EPS8: variants seen among roughly 807,000 people sequenced by gnomAD.
EPS8 encodes epidermal growth factor receptor kinase substrate 8.
EPS8 carries 42 observed loss-of-function variants against 103.8 expected under a neutral mutation model. That is an observed-to-expected ratio of 0.40 (90% CI 0.32 to 0.52). The LOEUF is 0.52. Among genes scored for constraint, EPS8 ranks in the 20% least tolerant of loss-of-function variants. The probability of loss-of-function intolerance (pLI) is 0.40; values close to 1 mark genes in which losing one functional copy is unlikely to be tolerated. For synonymous variants in EPS8, 344 were observed against 344.6 expected (o/e 1.00, Z 0.02); for missense variants, 969 against 1,005.1 (o/e 0.96, Z 0.49).
At chr12:15,739,574 T>C (rs989733863) in intron 1 of EPS8, among the ~76,000 whole-genome samples, 1 of 152,154 alleles carries the variant, frequency 6.6e-6, no homozygotes, top group African/African-American at 2.4e-5. Context: ...CTCCCGACCT[T>C]GGATGTTAGA....
In EPS8 at chr12:15,669,938, G is replaced by T. The variant is rs1053229597; in HGVS notation, c.205-113C>A. The T allele has an allele frequency of 3.1e-5, 22 of 712,274 alleles. No homozygotes were observed. In the African/African-American group the frequency reaches 3.3e-4, roughly 11 times the overall value. 44.1% of individuals were successfully genotyped at this position (712,274 alleles called of 1,614,324 possible). A position where few individuals can be genotyped will look rare whatever the true frequency, so the allele number is the denominator to read the frequency against. On this transcript the variant is annotated intron_variant, in intron 4 of 20. Coordinates refer to ENST00000281172, the MANE Select transcript of EPS8 (RefSeq NM_004447.6). The stretch of plus-strand genomic sequence containing the variant: ...AACCTGAGGTCAGCTAGCAGAGAAC[G>T]ACAAACACAAAGTACTCTTAAAACT...
intron 6 of EPS8, among the ~76,000 whole-genome samples, chr12:15,668,251 G>A (rs1216354793): frequency 6.6e-6 from 1 of 152,104 alleles, no homozygotes. Flanking sequence ...AGTCATCCAT[G>A]ACGTAAATTG....
Position 15,778,057 on chromosome 12 carries a change from A to C in EPS8, c.-22+11104T>G, listed in dbSNP as rs1019701372. Among the ~76,000 whole-genome samples, 1 of 152,236 alleles carries C rather than the reference A, an allele frequency of 6.6e-6. No individual in the cohort carries two copies. The highest frequency in any genetic ancestry group is 1.5e-5 in the Non-Finnish European group (1 of 68,046). On this transcript the variant is annotated intron_variant, in intron 1 of 20. Transcript: ENST00000281172. The surrounding 1 kb of genome is among the most constrained non-coding windows in gnomAD (Gnocchi z 4.5). Reference sequence around the variant, plus strand: ...ATTCTGCAAACATAGCAAACATACAAATATACAAAAAATATAGACCTTATT... The same window carrying C: ...ATTCTGCAAACATAGCAAACATACACATATACAAAAAATATAGACCTTATT...
In EPS8 at chr12:15,787,678, A is replaced by G. The variant is rs1947324463; in HGVS notation, c.-22+1483T>C. The stretch of plus-strand genomic sequence containing the variant: ...TTCTTTTTTTTCTGCTATAAAGTGA[A>G]TGACTTGTGGTGCAATCTTACAAAG... On this transcript the variant is annotated intron_variant, in intron 1 of 20. Transcript: ENST00000281172. The surrounding 1 kb of genome is among the most constrained non-coding windows in gnomAD (Gnocchi z 4.9). Among the ~76,000 whole-genome samples, 1 of 152,184 alleles carries G rather than the reference A, an allele frequency of 6.6e-6. No individual in the cohort carries two copies. Among genetic ancestry groups the G allele is most frequent in the Admixed American group, 6.5e-5 (1 of 15,284 alleles).
rs1319175219 is a variant in EPS8, at chr12:15,759,744, G to A, written c.-22+29417C>T. Reference sequence around the variant, plus strand: ...CTGGGTCAATGAAGAAACTAAGAAGGAAATTGAAGAATTTCTTGAAACAAA... The same window carrying A: ...CTGGGTCAATGAAGAAACTAAGAAGAAAATTGAAGAATTTCTTGAAACAAA... On this transcript the variant is annotated intron_variant, in intron 1 of 20. Transcript: ENST00000281172. The surrounding 1 kb of genome is among the most constrained non-coding windows in gnomAD (Gnocchi z 4.9). Among the ~76,000 whole-genome samples the A allele has an allele frequency of 6.6e-6, 1 of 151,888 alleles. No individual in the cohort carries two copies. Among genetic ancestry groups the A allele is most frequent in the East Asian group, 1.9e-4 (1 of 5,194 alleles).
rs1182916053 is a variant in EPS8 at position 15,714,993 on chromosome 12, C to A, written c.-21-32021G>T. 1.3e-5 allele frequency among the ~76,000 whole-genome samples: 2 copies of A among 152,232 alleles called. No homozygotes were observed. Among genetic ancestry groups the A allele is most frequent in the East Asian group, 3.9e-4 (2 of 5,174 alleles). On this transcript the variant is annotated intron_variant, in intron 1 of 20. Transcript: ENST00000281172. The surrounding 1 kb of genome is among the most constrained non-coding windows in gnomAD (Gnocchi z 4.1). Reference sequence around the variant, plus strand: ...GGGCCATTCCTTCCCATCTCCAGCACCCCTGCAAAAAAGATTGAATGGAAA... The same window carrying A: ...GGGCCATTCCTTCCCATCTCCAGCAACCCTGCAAAAAAGATTGAATGGAAA...
At chr12:15,682,796 C>T in intron 2 of EPS8, 97 bp downstream of exon 2, 1 of 692,350 alleles carries the variant, frequency 1.4e-6, no homozygotes, top group South Asian at 1.7e-5. Flanking sequence ...TACTGAACTA[C>T]ACAACGAAAG....
At chr12:15,773,378 A>G (rs1947174672) in intron 1 of EPS8, among the ~76,000 whole-genome samples, 3 of 152,200 alleles carry the variant, frequency 2.0e-5, no homozygotes, top group Non-Finnish European at 4.4e-5. Context: ...GAAGGCAATC[A>G]TGAAGCCACA....
intron 1 of EPS8, among the ~76,000 whole-genome samples, chr12:15,691,124 A>G (rs1946165913): frequency 6.6e-6 from 1 of 151,816 alleles, no homozygotes; most frequent in Non-Finnish European, 1.5e-5. Flanking sequence ...AAGAAAAAGC[A>G]TCTTTAAGAA....
chr12:15,725,621 G>A lies in EPS8; in HGVS notation c.-21-42649C>T, dbSNP rs370891015. ...TGACACAATGGGTCTTCATCATATG[G>A]TGATTCACTCACCACCACAGTATCA... On this transcript the variant is annotated intron_variant, in intron 1 of 20. Transcript: ENST00000281172. The surrounding 1 kb of genome is among the most constrained non-coding windows in gnomAD (Gnocchi z 4.5). Among the ~76,000 whole-genome samples the A allele has an allele frequency of 4.6e-5, 7 of 152,146 alleles. No homozygotes were observed. In the East Asian group the frequency reaches 9.7e-4, roughly 21 times the overall value.
Position 15,681,209 on chromosome 12 carries a change from C to G in EPS8, c.136+17G>C. ...GGTTAGAAACAAAATTATACCCTAT[C>G]AAATAAACAAACCTACCATAAAGGG... On this transcript the variant is annotated intron_variant, in intron 3 of 20. Transcript: ENST00000281172. The G allele has an allele frequency of 7.1e-7, 1 of 1,408,554 alleles. No homozygotes were observed. The highest frequency in any genetic ancestry group is 1.5e-5 in the African/African-American group (1 of 68,918). The allele number at this position is 1,408,554 out of a possible 1,614,324, so 87.3% of individuals were successfully genotyped here. A position where few individuals can be genotyped will look rare whatever the true frequency, so the allele number is the denominator to read the frequency against.
At chr12:15,625,339 T>G (rs1462243091) in intron 18 of EPS8, among the ~76,000 whole-genome samples, 1 of 152,202 alleles carries the variant, frequency 6.6e-6, no homozygotes, top group African/African-American at 2.4e-5. Context: ...TAATTTTCCT[T>G]CTTCACTGAA....
intron 1 of EPS8, among the ~76,000 whole-genome samples, chr12:15,722,280 C>T (rs1264220827): frequency 6.6e-6 from 1 of 151,846 alleles, no homozygotes; most frequent in Non-Finnish European, 1.5e-5. Flanking sequence ...CTGTCCTGGG[C>T]CTCAGGTTGG....
At position 15,781,254 on chromosome 12, in the gene EPS8, T is replaced by C. The variant is rs1053542111; in HGVS notation, c.-22+7907A>G. ...AGCTTAAATACACAAACTTTTTCGC[T>C]ATTCTTGTTTGGCACAGTAGTAATT... On this transcript the variant is annotated intron_variant, in intron 1 of 20. Transcript: ENST00000281172. The surrounding 1 kb of genome is among the most constrained non-coding windows in gnomAD (Gnocchi z 4.1). 2.6e-5 allele frequency among the ~76,000 whole-genome samples: 4 copies of C among 152,224 alleles called. No individual in the cohort carries two copies. The highest frequency in any genetic ancestry group is 9.7e-5 in the African/African-American group (4 of 41,450).
At position 15,745,772 on chromosome 12, in the gene EPS8, T is replaced by C. The variant is rs1188804154; in HGVS notation, c.-22+43389A>G. On this transcript the variant is annotated intron_variant, in intron 1 of 20. Coordinates refer to ENST00000281172, the MANE Select transcript of EPS8 (RefSeq NM_004447.6). This position sits in a 1 kb window ranked among gnomAD's most constrained non-coding sequence, Gnocchi z 4.6. ...ATAGCTCAAGTTCTCTGCCTTTTAG[T>C]AGAAACATCAAGAGCTATTATATGT... Among the ~76,000 whole-genome samples, 1 of 152,176 alleles carries C rather than the reference T, an allele frequency of 6.6e-6. No homozygotes were observed. The highest frequency in any genetic ancestry group is 1.5e-5 in the Non-Finnish European group (1 of 68,030).
At chr12:15,707,376 C>A (rs978687524) in intron 1 of EPS8, among the ~76,000 whole-genome samples, 3 of 152,138 alleles carry the variant, frequency 2.0e-5, no homozygotes, top group Non-Finnish European at 2.9e-5. Context: ...AGTTTGCTGA[C>A]CCTCTGCTTT....
rs181522979 is a variant in EPS8 at position 15,669,302 on chromosome 12, T to C, written c.516+85A>G. 1,457 of 1,221,988 alleles carry C rather than the reference T, an allele frequency of 1.2e-3. 8 individuals are homozygous for C. The highest frequency in any genetic ancestry group is 1.4e-3 in the Non-Finnish European group (1,255 of 873,888). The allele number at this position is 1,221,988 out of a possible 1,614,324, so 75.7% of individuals were successfully genotyped here. ...GAAACTAAAAATCTAGTAACTAATATGCAGATATATTATCAAAATAGGTAA... is the reference window on the plus strand; with the variant it reads ...GAAACTAAAAATCTAGTAACTAATACGCAGATATATTATCAAAATAGGTAA... On this transcript the variant is annotated intron_variant, in intron 6 of 20. Coordinates refer to ENST00000281172, the MANE Select transcript of EPS8 (RefSeq NM_004447.6).
rs1329751924 is a variant in EPS8, at chr12:15,757,359, A to G, written c.-22+31802T>C. On this transcript the variant is annotated intron_variant, in intron 1 of 20. Transcript: ENST00000281172. This position sits in a 1 kb window ranked among gnomAD's most constrained non-coding sequence, Gnocchi z 4.1. ...TAAGATGAAGAGATGGGCCAGGCACAGTGGCTCACACCTGGAATCCCAGAA... is the reference window on the plus strand; with the variant it reads ...TAAGATGAAGAGATGGGCCAGGCACGGTGGCTCACACCTGGAATCCCAGAA... Among the ~76,000 whole-genome samples the G allele has an allele frequency of 6.6e-6, 1 of 152,178 alleles. No homozygotes were observed. Among genetic ancestry groups the G allele is most frequent in the Non-Finnish European group, 1.5e-5 (1 of 68,040 alleles).
In EPS8 at chr12:15,769,799, C is replaced by G. The variant is rs1350861736; in HGVS notation, c.-22+19362G>C. Reference sequence around the variant, plus strand: ...AAATTGGACACAGTACAAAAATTTCCTGAACTTTCTGACCAAAGTCATGTT... The same window carrying G: ...AAATTGGACACAGTACAAAAATTTCGTGAACTTTCTGACCAAAGTCATGTT... On this transcript the variant is annotated intron_variant, in intron 1 of 20. Transcript: ENST00000281172. This position sits in a 1 kb window ranked among gnomAD's most constrained non-coding sequence, Gnocchi z 4.6. Among the ~76,000 whole-genome samples the G allele has an allele frequency of 6.6e-6, 1 of 152,120 alleles. No homozygotes were observed. Among genetic ancestry groups the G allele is most frequent in the Admixed American group, 6.6e-5 (1 of 15,264 alleles).
Sources: allele counts gnomAD v4.1 joint callset (sites outside exome capture counted in the v4.1 genomes callset), GRCh38; gene constraint gnomAD v4.1.1; non-coding constraint Gnocchi (gnomAD v3.1); transcripts MANE v1.5; gene names NCBI Gene and HGNC (gene_info 2026-07-23, HGNC 2026-07-21).